Variants in APBB1IP observed in about 807,000 individuals in gnomAD.
APBB1IP encodes the protein amyloid beta A4 precursor protein-binding family B member 1-interacting protein.
Under a neutral mutation model 64.9 loss-of-function variants are expected in APBB1IP, and 27 were observed. The ratio of observed to expected loss-of-function variants is 0.42; its 90% CI spans 0.31 to 0.57. The LOEUF is 0.57. Ranked by LOEUF, APBB1IP falls within the 20% of genes least tolerant of loss-of-function variation. The probability of loss-of-function intolerance (pLI) is 0.20; values close to 1 mark genes in which losing one functional copy is unlikely to be tolerated. For missense variants in APBB1IP, 812 were observed against 845.5 expected, an observed-to-expected ratio of 0.96 and a Z score of 0.49; for synonymous variants, 392 against 331.0, an observed-to-expected ratio of 1.18 and a Z score of -2.00.
chr10:26,544,549 C>G (rs1836736737), intron 11 of APBB1IP, among the ~76,000 whole-genome samples: 1 of 152,170 alleles, frequency 6.6e-6, no homozygotes, highest in Admixed American at 6.5e-5. Flanking sequence ...ATTAAATGGC[C>G]TTCAGAGTGG....
chr10:26,561,073 T>C (rs1445558357), intron 13 of APBB1IP, among the ~76,000 whole-genome samples: 2 of 124,192 alleles, frequency 1.6e-5, no homozygotes, highest in African/African-American at 3.1e-5. Context: ...TCTTTTTTTT[T>C]TTTTTTTTTT....
chr10:26,441,633 G>A (rs7099792), intron 2 of APBB1IP, among the ~76,000 whole-genome samples: 58,989 of 151,894 alleles, frequency 0.39, 11,637 homozygotes, highest in South Asian at 0.49. Context: ...CTGAGATCCC[G>A]TTGGCTCCAC....
At chr10:26,560,080 T>C in intron 11 of APBB1IP, 25 bp from the exon 12 acceptor site, 2 of 1,590,656 alleles carry the variant, frequency 1.3e-6, no homozygotes, top group Non-Finnish European at 8.6e-7. Context: ...AGTGAATACA[T>C]TGTCTCGAAA....
At chr10:26,472,985 A>G (rs1203886449) in intron 2 of APBB1IP, among the ~76,000 whole-genome samples, 3 of 152,106 alleles carry the variant, frequency 2.0e-5, no homozygotes, top group Non-Finnish European at 2.9e-5. Context: ...AGTTATTCAT[A>G]GAGGTACATA....
intron 6 of APBB1IP, 29 bp downstream of exon 6, chr10:26,503,303 G>T (rs763733371): frequency 8.1e-6 from 13 of 1,609,600 alleles, no homozygotes; most frequent in Non-Finnish European, 1.1e-5. Flanking sequence ...TTGCATGGGG[G>T]CAGTTCAATT....
intron 8 of APBB1IP, among the ~76,000 whole-genome samples, chr10:26,525,465 A>G (rs940472575): frequency 1.3e-4 from 20 of 152,186 alleles, no homozygotes; most frequent in Admixed American, 1.2e-3. Flanking sequence ...GACCTCTGCA[A>G]TGGGTGAGGA....
intron 2 of APBB1IP, among the ~76,000 whole-genome samples, chr10:26,459,419 G>A (rs1835565249): frequency 6.6e-6 from 1 of 152,074 alleles, no homozygotes; most frequent in Admixed American, 6.6e-5. Context: ...TGTCTTTATA[G>A]CAGCATGATT....
chr10:26,511,689 C>G, intron 6 of APBB1IP, 58 bp from the exon 7 acceptor site: 1 of 1,594,196 alleles, frequency 6.3e-7, no homozygotes, highest in Non-Finnish European at 8.6e-7. Context: ...AAACCCTCAT[C>G]TTAGTAGCCT....
chr10:26,566,362 C>T (rs1022441367), intron 14 of APBB1IP, among the ~76,000 whole-genome samples: 39 of 152,292 alleles, frequency 2.6e-4, no homozygotes, highest in African/African-American at 8.4e-4. Flanking sequence ...TAAAACAATT[C>T]TTATGCCTTA....
chr10:26,537,893 C>T (rs1369670618), intron 10 of APBB1IP, among the ~76,000 whole-genome samples: 2 of 148,694 alleles, frequency 1.3e-5, no homozygotes, highest in East Asian at 2.0e-4. Flanking sequence ...GAGATCATGC[C>T]GCTGCACTCC....
chr10:26,439,080 G>T (rs1380294111), intron 2 of APBB1IP, among the ~76,000 whole-genome samples: 1 of 152,194 alleles, frequency 6.6e-6, no homozygotes, highest in Non-Finnish European at 1.5e-5. Context: ...GGGGTGTGAG[G>T]GTTTGGGGTT....
intron 6 of APBB1IP, chr10:26,509,781 T>G (rs1836229213): frequency 1.3e-5 from 2 of 152,204 alleles, no homozygotes; most frequent in Admixed American, 1.3e-4. Flanking sequence ...TCAGTCCATC[T>G]AATCACTTTT....
intron 4 of APBB1IP, among the ~76,000 whole-genome samples, chr10:26,497,058 G>A (rs1836034266): frequency 6.6e-6 from 1 of 152,006 alleles, no homozygotes; most frequent in Admixed American, 6.6e-5. Context: ...AGCCAAGCGT[G>A]GTGGCATGTG....
rs567060373 is a variant in APBB1IP at position 26,460,606 on chromosome 10, A to G, written c.-1+21753A>G. 3.3e-5 allele frequency among the ~76,000 whole-genome samples: 5 copies of G among 152,342 alleles called. No homozygotes were observed. In the South Asian group the frequency reaches 1.0e-3, roughly 32 times the overall value. On this transcript the variant is annotated intron_variant, in intron 2 of 14. Transcript: ENST00000376236. ...AAAATATGGTAAATATACACCATGG[A>G]ATACTATGCAGCCATAAAAGGGAAT...
chr10:26,496,267 T>G (rs1184301730), intron 3 of APBB1IP, 37 bp from the exon 4 acceptor site: 1 of 1,480,910 alleles, frequency 6.8e-7, no homozygotes, highest in East Asian at 2.3e-5. Flanking sequence ...AATGTTTGTA[T>G]CATGAATAAC....
chr10:26,528,003 T>G (rs1056346342), intron 8 of APBB1IP, among the ~76,000 whole-genome samples: 1 of 152,178 alleles, frequency 6.6e-6, no homozygotes, highest in African/African-American at 2.4e-5. Flanking sequence ...CACGCCTCTC[T>G]TATTGTCCCT....
At chr10:26,549,726 G>A (rs1256267795) in intron 11 of APBB1IP, among the ~76,000 whole-genome samples, 7 of 151,172 alleles carry the variant, frequency 4.6e-5, no homozygotes, top group Non-Finnish European at 5.9e-5. Context: ...ACTAGCTAAA[G>A]GTTTCTCAAT....
intron 2 of APBB1IP, among the ~76,000 whole-genome samples, chr10:26,482,351 C>T (rs994055922): frequency 6.6e-6 from 1 of 152,212 alleles, no homozygotes; most frequent in Non-Finnish European, 1.5e-5. Flanking sequence ...CTCCCTCAAA[C>T]GTTGCAAGAA....
intron 2 of APBB1IP, among the ~76,000 whole-genome samples, chr10:26,468,054 A>G (rs1393760623): frequency 6.6e-6 from 1 of 152,202 alleles, no homozygotes; most frequent in African/African-American, 2.4e-5. Context: ...AAATATTCCA[A>G]TTTTACAGAT....
Sources: allele counts gnomAD v4.1 joint callset (sites outside exome capture counted in the v4.1 genomes callset), GRCh38; gene constraint gnomAD v4.1.1; transcripts MANE v1.5; gene names NCBI Gene and HGNC (gene_info 2026-07-23, HGNC 2026-07-21).